The following RAPGEF6 variants were observed in gnomAD, a reference collection of about 807,000 sequenced individuals.
The protein encoded by RAPGEF6 is PDZ domain containing guanine nucleotide exchange factor (GEF) 2.
RAPGEF6 carries 56 observed loss-of-function variants against 171.4 expected under a neutral mutation model. The ratio of observed to expected loss-of-function variants is 0.33; its 90% CI spans 0.26 to 0.41. RAPGEF6 has a LOEUF of 0.41. Among genes scored for constraint, RAPGEF6 ranks in the 10% least tolerant of loss-of-function variants. RAPGEF6 has a pLI of 1.00. For synonymous variants in RAPGEF6, 692 were observed against 650.1 expected (o/e 1.06, Z -0.98); for missense variants, 1,674 against 1,921.4 (o/e 0.87, Z 2.41).
intron 15 of RAPGEF6, among the ~76,000 whole-genome samples, chr5:131,486,799 G>A (rs1294613936): frequency 6.9e-6 from 1 of 144,980 alleles, no homozygotes; most frequent in African/African-American, 2.6e-5. Context: ...GCGCAATCTC[G>A]GCTCACTGCA....
At chr5:131,546,579 G>C (rs1316590037) in intron 6 of RAPGEF6, among the ~76,000 whole-genome samples, 4 of 151,720 alleles carry the variant, frequency 2.6e-5, no homozygotes, top group Admixed American at 2.6e-4. Flanking sequence ...ACTCCAGCCT[G>C]GGCAAGAGAG....
At chr5:131,441,900 A>AG (rs1430548348) in intron 23 of RAPGEF6, among the ~76,000 whole-genome samples, 1 of 152,214 alleles carries the variant, frequency 6.6e-6, no homozygotes, top group Non-Finnish European at 1.5e-5. Context: ...AGAAAAAAAA[A>AG]GTGTGGTCTA....
chr5:131,527,947 A>G (rs1483851516), intron 6 of RAPGEF6, among the ~76,000 whole-genome samples: 1 of 149,584 alleles, frequency 6.7e-6, no homozygotes, highest in Non-Finnish European at 1.5e-5. Flanking sequence ...CCTGGGAGGC[A>G]GAGCTTGCAG....
intron 1 of RAPGEF6, among the ~76,000 whole-genome samples, chr5:131,622,487 T>C (rs1303042995): frequency 6.6e-6 from 1 of 152,238 alleles, no homozygotes; most frequent in Non-Finnish European, 1.5e-5. Context: ...GAATGAGCAA[T>C]TTTATTAAAA....
intron 3 of RAPGEF6, among the ~76,000 whole-genome samples, chr5:131,595,564 C>G (rs867221806): frequency 6.6e-6 from 1 of 151,770 alleles, no homozygotes; most frequent in Admixed American, 6.6e-5. Flanking sequence ...AAAGTAAGTA[C>G]AGCAGATACA....
intron 6 of RAPGEF6, among the ~76,000 whole-genome samples, chr5:131,538,532 A>T (rs963055730): frequency 6.6e-6 from 1 of 152,198 alleles, no homozygotes; most frequent in Non-Finnish European, 1.5e-5. Flanking sequence ...GCAACACATG[A>T]CTGTATATGG....
intron 16 of RAPGEF6, among the ~76,000 whole-genome samples, chr5:131,476,957 G>A (rs571127213): frequency 4.6e-5 from 7 of 152,226 alleles, no homozygotes; most frequent in African/African-American, 1.7e-4. Flanking sequence ...GTCAATCTGT[G>A]AGGAAACAAA....
chr5:131,438,842 T>C (rs1752195471), intron 24 of RAPGEF6, among the ~76,000 whole-genome samples: 1 of 152,198 alleles, frequency 6.6e-6, no homozygotes, highest in South Asian at 2.1e-4. Flanking sequence ...TTAAAAAAGG[T>C]AATACTCTGT....
chr5:131,555,998 T>C (rs143346713), intron 5 of RAPGEF6, among the ~76,000 whole-genome samples: 4 of 152,300 alleles, frequency 2.6e-5, no homozygotes, highest in African/African-American at 7.2e-5. Flanking sequence ...CTGAACACCA[T>C]AGGCAATTAT....
intron 1 of RAPGEF6, among the ~76,000 whole-genome samples, chr5:131,614,459 C>G (rs182072483): frequency 6.6e-6 from 1 of 151,990 alleles, no homozygotes. Context: ...AAGCACATCT[C>G]GACATAGCCA....
intron 4 of RAPGEF6, among the ~76,000 whole-genome samples, chr5:131,575,280 TCTA>T (rs1238946691): frequency 1.3e-5 from 2 of 152,164 alleles, no homozygotes; most frequent in Non-Finnish European, 2.9e-5. Context: ...TTTCTCATGA[TCTA>T]CTTTCTTTCC....
At chr5:131,517,067 T>C (rs1292015329) in intron 7 of RAPGEF6, among the ~76,000 whole-genome samples, 5 of 152,234 alleles carry the variant, frequency 3.3e-5, no homozygotes, top group Admixed American at 2.0e-4. Context: ...GCGCTAACAA[T>C]TGGGTACACA....
chr5:131,617,936 C>T (rs574265472), intron 1 of RAPGEF6, among the ~76,000 whole-genome samples: 7 of 152,250 alleles, frequency 4.6e-5, no homozygotes, highest in East Asian at 1.9e-4. Context: ...AAACAACATT[C>T]GGCAAAATGG....
In RAPGEF6 at chr5:131,489,572, G is replaced by A. The variant is rs1756145766; in HGVS notation, c.1814C>T (p.Ala605Val). Residue 605 changes from alanine (A) to valine (V), a missense_variant, in exon 15 of 28, where the codon GCA becomes GTA. Coordinates refer to ENST00000509018, the MANE Select transcript of RAPGEF6 (RefSeq NM_016340.6). ...VEILRNNTHLALTVKTNIFVF... is the reference protein window; with the variant it reads ...VEILRNNTHLVLTVKTNIFVF... ...AAAAATGTTGGTCTTCACAGTAAGT[G>A]CAAGATGAGTATTATTCCTCAAAAT... 2 of 1,595,066 alleles carry A rather than the reference G, an allele frequency of 1.3e-6. No homozygotes were observed. The highest frequency in any genetic ancestry group is 1.4e-5 in the African/African-American group (1 of 74,042).
chr5:131,535,623 C>G (rs1204251945), intron 6 of RAPGEF6, among the ~76,000 whole-genome samples: 1 of 152,092 alleles, frequency 6.6e-6, no homozygotes, highest in Non-Finnish European at 1.5e-5. Context: ...GTCTTTTGCA[C>G]TACTATAAAA....
At chr5:131,492,269 A>G (rs1216910119) in intron 14 of RAPGEF6, among the ~76,000 whole-genome samples, 1 of 152,172 alleles carries the variant, frequency 6.6e-6, no homozygotes, top group African/African-American at 2.4e-5. Flanking sequence ...ATCGTTCTGG[A>G]GTATTCTCAA....
chr5:131,428,954 C>T lies in RAPGEF6; in HGVS notation c.4728G>A (p.Gln1576=). The T allele has an allele frequency of 6.2e-7, 1 of 1,614,192 alleles. No homozygotes were observed. Among genetic ancestry groups the T allele is most frequent in the Non-Finnish European group, 8.5e-7 (1 of 1,180,038 alleles). Residue 1576 remains glutamine (Q), a synonymous_variant, in exon 27 of 28, where the codon CAG becomes CAA. Coordinates refer to ENST00000509018, the MANE Select transcript of RAPGEF6 (RefSeq NM_016340.6). ...CATCTCCTAGTTTAGGATGGAATGG[C>T]TGCAAATTATGCCTCTGAGGCTGAG... ...IVTQPQRHNL[Q]PFHPKLGDVT... is the part of the protein sequence containing the mutation.
intron 6 of RAPGEF6, among the ~76,000 whole-genome samples, chr5:131,539,678 A>G (rs1306951967): frequency 6.6e-6 from 1 of 152,180 alleles, no homozygotes; most frequent in African/African-American, 2.4e-5. Context: ...TCAGTATATC[A>G]CCACAAAGTT....
intron 17 of RAPGEF6, among the ~76,000 whole-genome samples, chr5:131,469,291 T>C (rs1242566782): frequency 6.6e-6 from 1 of 152,166 alleles, no homozygotes; most frequent in Non-Finnish European, 1.5e-5. Flanking sequence ...GTGGAAACTT[T>C]TATATTCTAT....
Sources: allele counts gnomAD v4.1 joint callset (sites outside exome capture counted in the v4.1 genomes callset), GRCh38; gene constraint gnomAD v4.1.1; transcripts MANE v1.5; gene names NCBI Gene and HGNC (gene_info 2026-07-23, HGNC 2026-07-21).